The following EML4 variants were observed in gnomAD, a reference collection of about 807,000 sequenced individuals.
EML4 encodes EMAP like 4.
Under a neutral mutation model 129.0 loss-of-function variants are expected in EML4, and 72 were observed. That is an observed-to-expected ratio of 0.56 (90% CI 0.46 to 0.68). The LOEUF is 0.68. EML4 is among the 30% of genes least tolerant of loss of function. EML4 has a pLI of 0.00. For missense variants in EML4, 1,363 were observed against 1,190.6 expected (o/e 1.14, Z -2.13); for synonymous variants, 532 against 405.0 (o/e 1.31, Z -3.77).
intron 1 of EML4, among the ~76,000 whole-genome samples, chr2:42,227,779 A>T (rs781009798): frequency 2.0e-5 from 3 of 152,236 alleles, no homozygotes; most frequent in Non-Finnish European, 4.4e-5. Context: ...AATAGTGAAT[A>T]TATTTTCTCA....
intron 11 of EML4, chr2:42,288,964 A>C (rs1262299649): frequency 6.6e-6 from 1 of 152,226 alleles, no homozygotes; most frequent in African/African-American, 2.4e-5. Context: ...ATGGCTTTAA[A>C]AAGTCTGTGT....
chr2:42,267,202 C>T (rs1666110321), intron 6 of EML4, among the ~76,000 whole-genome samples: 1 of 152,140 alleles, frequency 6.6e-6, no homozygotes, highest in African/African-American at 2.4e-5. Flanking sequence ...CAGTACCTGA[C>T]ATATAATACC....
At chr2:42,321,308 G>A (rs548131246) in intron 19 of EML4, among the ~76,000 whole-genome samples, 238 of 152,126 alleles carry the variant, frequency 1.6e-3, no homozygotes, top group African/African-American at 5.4e-3. Flanking sequence ...GCATGAACCC[G>A]GGAGGCGGAG....
At chr2:42,322,975 A>G (rs1295697904) in intron 19 of EML4, among the ~76,000 whole-genome samples, 1 of 152,172 alleles carries the variant, frequency 6.6e-6, no homozygotes, top group African/African-American at 2.4e-5. Flanking sequence ...GTCCTTTTTG[A>G]GAATACTTTA....
At chr2:42,318,349 A>G (rs1017401594) in intron 19 of EML4, among the ~76,000 whole-genome samples, 5 of 152,334 alleles carry the variant, frequency 3.3e-5, no homozygotes, top group Middle Eastern at 3.4e-3. Context: ...ATAAACTTCA[A>G]TATGGGTCTG....
chr2:42,290,929 T>C (rs1476302800), intron 11 of EML4, among the ~76,000 whole-genome samples: 1 of 152,086 alleles, frequency 6.6e-6, no homozygotes, highest in African/African-American at 2.4e-5. Flanking sequence ...ACAAACTGAA[T>C]ATATGTGGAA....
Position 42,260,312 on chromosome 2 carries a change from C to T in EML4, c.339-809C>T, listed in dbSNP as rs570068437. 2.0e-5 allele frequency among the ~76,000 whole-genome samples: 3 copies of T among 152,282 alleles called. No individual in the cohort carries two copies. The South Asian group carries it at 6.2e-4, about 32-fold the overall frequency. ...CCTCCCGAGTAGCTGGGATTACAGGCACATGCCACTGCGCCAAGCTAATTT... is the reference window on the plus strand; with the variant it reads ...CCTCCCGAGTAGCTGGGATTACAGGTACATGCCACTGCGCCAAGCTAATTT... On this transcript the variant is annotated intron_variant, in intron 3 of 22. Transcript: ENST00000318522.
intron 1 of EML4, among the ~76,000 whole-genome samples, chr2:42,242,440 G>C (rs926923642): frequency 6.6e-6 from 1 of 152,180 alleles, no homozygotes; most frequent in Non-Finnish European, 1.5e-5. Context: ...CAAGGCTTCA[G>C]AGAGTATAAC....
chr2:42,217,456 G>C (rs1673270234), intron 1 of EML4, among the ~76,000 whole-genome samples: 1 of 152,062 alleles, frequency 6.6e-6, no homozygotes, highest in Non-Finnish European at 1.5e-5. Context: ...TTCTTGTTTG[G>C]CCCTCTGTGG....
intron 17 of EML4, among the ~76,000 whole-genome samples, chr2:42,315,640 G>T (rs756831307): frequency 6.6e-6 from 1 of 152,226 alleles, no homozygotes; most frequent in South Asian, 2.1e-4. Context: ...TTGGGAGGCT[G>T]AGGTGGGAGG....
intron 1 of EML4, among the ~76,000 whole-genome samples, chr2:42,198,163 G>C (rs1672005728): frequency 6.6e-6 from 1 of 152,146 alleles, no homozygotes. Flanking sequence ...CCTGTAGCTT[G>C]CTCCTACCAG....
At chr2:42,275,957 G>A (rs1200519264) in intron 6 of EML4, among the ~76,000 whole-genome samples, 1 of 151,994 alleles carries the variant, frequency 6.6e-6, no homozygotes, top group Non-Finnish European at 1.5e-5. Flanking sequence ...GAGTTTCCTG[G>A]TGGTTTATAG....
At position 42,303,224 on chromosome 2, in the gene EML4, G is replaced by T. The variant is rs777365315; in HGVS notation, c.1762G>T (p.Val588Leu). ...GTFNDGFQIE[V>L]QGHTDELWGL... is the part of the protein sequence containing the mutation. ...ATTTAATGATGGCTTCCAAATAGAA[G>T]TACAGGTAAGCTGTGTGATATTAAC... Residue 588 changes from valine (V) to leucine (L), a missense_variant, in exon 15 of 23, where the codon GTA (valine) becomes TTA (leucine). Coordinates refer to ENST00000318522, the MANE Select transcript of EML4 (RefSeq NM_019063.5). The T allele has an allele frequency of 6.2e-7, 1 of 1,614,016 alleles. No homozygotes were observed. Among genetic ancestry groups the T allele is most frequent in the Admixed American group, 1.7e-5 (1 of 60,004 alleles).
At chr2:42,205,909 T>G (rs1316106436) in intron 1 of EML4, among the ~76,000 whole-genome samples, 2 of 152,192 alleles carry the variant, frequency 1.3e-5, no homozygotes, top group Admixed American at 6.5e-5. Context: ...GGAATTTTCT[T>G]CTTTCTCTCC....
chr2:42,295,197 T>C lies in EML4; in HGVS notation c.1291T>C (p.Ser431Pro). ...AAATACCATAATTACATGCGGTAAA[T>C]CTCATATTTTCTTCTGGACCTGGAG... The part of the protein sequence containing the change: ...DANTIITCGK[S>P]HIFFWTWSGN... Residue 431 changes from serine to proline, a missense_variant, in exon 12 of 23, where the codon TCT becomes CCT. By Grantham distance (74) the Ser-to-Pro change is moderately conservative. Coordinates refer to ENST00000318522, the MANE Select transcript of EML4 (RefSeq NM_019063.5). The C allele has an allele frequency of 6.2e-7, 1 of 1,613,346 alleles. No individual in the cohort carries two copies. Among genetic ancestry groups the C allele is most frequent in the Non-Finnish European group, 8.5e-7 (1 of 1,179,820 alleles).
chr2:42,284,182 A>G (rs1413598632), intron 8 of EML4, among the ~76,000 whole-genome samples: 1 of 152,228 alleles, frequency 6.6e-6, no homozygotes, highest in Non-Finnish European at 1.5e-5. Flanking sequence ...TTTGTTGAAA[A>G]GTAAGAAATG....
At position 42,329,885 on chromosome 2, in the gene EML4, C is replaced by G; in HGVS notation, c.2624C>G (p.Thr875Ser). 6.2e-7 allele frequency: 1 copy of G among 1,614,114 alleles called. No homozygotes were observed. Among genetic ancestry groups the G allele is most frequent in the Non-Finnish European group, 8.5e-7 (1 of 1,180,014 alleles). Reference sequence around the variant, plus strand: ...AAGTTATCTTTGCCTCAGAATGAGACTGTAGCGGATACTACTCTAACCAAA... The same window carrying G: ...AAGTTATCTTTGCCTCAGAATGAGAGTGTAGCGGATACTACTCTAACCAAA... ...VEKLSLPQNETVADTTLTKAP... is the reference protein window; with the variant it reads ...VEKLSLPQNESVADTTLTKAP... Residue 875 changes from threonine to serine, a missense_variant, in exon 23 of 23, where the codon ACT becomes AGT. Coordinates refer to ENST00000318522, the MANE Select transcript of EML4 (RefSeq NM_019063.5).
At chr2:42,234,216 A>G (rs1456423800) in intron 1 of EML4, among the ~76,000 whole-genome samples, 3 of 152,152 alleles carry the variant, frequency 2.0e-5, no homozygotes, top group African/African-American at 7.2e-5. Flanking sequence ...CTTAAGTTTT[A>G]TTTTTGCCAA....
intron 11 of EML4, among the ~76,000 whole-genome samples, chr2:42,292,101 G>T (rs1190521582): frequency 6.6e-6 from 1 of 152,180 alleles, no homozygotes; most frequent in Non-Finnish European, 1.5e-5. Context: ...ACTGTATTCT[G>T]AATTATAGGA....
Sources: gnomAD v4.1 joint callset for allele counts (sites outside exome capture counted in the v4.1 genomes callset) on GRCh38, gnomAD v4.1.1 for gene constraint, MANE v1.5 for transcripts, NCBI Gene and HGNC (gene_info 2026-07-23, HGNC 2026-07-21) for gene names.